Variants in GALNT13 observed in about 807,000 individuals in gnomAD.
The protein encoded by GALNT13 is polypeptide N-acetylgalactosaminyltransferase 13, also known as UDP-GalNAc:polypeptide N-acetylgalactosaminyltransferase 13.
GALNT13 carries 28 observed loss-of-function variants against 64.2 expected under a neutral mutation model. That is an observed-to-expected ratio of 0.44 (90% CI 0.32 to 0.60). The LOEUF is 0.60. GALNT13 is among the 20% of genes least tolerant of loss of function. The pLI, the probability that GALNT13 is intolerant of heterozygous loss-of-function variation, is 0.05. For synonymous variants in GALNT13, 214 were observed against 224.6 expected, an observed-to-expected ratio of 0.95 and a Z score of 0.42; for missense variants, 577 against 669.8, an observed-to-expected ratio of 0.86 and a Z score of 1.53.
intron 3 of GALNT13, among the ~76,000 whole-genome samples, chr2:154,046,945 T>G (rs1699322504): frequency 6.6e-6 from 1 of 152,074 alleles, no homozygotes. Context: ...GTGGGTTTTT[T>G]TTTTTATGTC....
intron 4 of GALNT13, among the ~76,000 whole-genome samples, chr2:154,212,611 CTT>C (rs1390100637): frequency 6.6e-6 from 1 of 151,812 alleles, no homozygotes; most frequent in Non-Finnish European, 1.5e-5. Context: ...TCTTCCTATT[CTT>C]TTTCTCCTTT....
the GALNT13 span, among the ~76,000 whole-genome samples, chr2:153,399,313 T>A: frequency 6.6e-6 from 1 of 152,218 alleles, no homozygotes; most frequent in Non-Finnish European, 1.5e-5. Flanking sequence ...ACCACGCTGT[T>A]TTGGTTACTG....
At chr2:153,905,060 AT>A (rs1688467673) in intron 2 of GALNT13, among the ~76,000 whole-genome samples, 1 of 151,976 alleles carries the variant, frequency 6.6e-6, no homozygotes. Flanking sequence ...CTTTTTAAAT[AT>A]TCTTAATATC....
the GALNT13 span, among the ~76,000 whole-genome samples, chr2:153,268,578 G>T: frequency 6.6e-6 from 1 of 152,162 alleles, no homozygotes; most frequent in African/African-American, 2.4e-5. Flanking sequence ...TCTTTTTACA[G>T]TTCCACTAGA....
At chr2:154,276,768 C>T (rs531187188) in intron 8 of GALNT13, among the ~76,000 whole-genome samples, 3 of 152,236 alleles carry the variant, frequency 2.0e-5, no homozygotes, top group Admixed American at 6.5e-5. Context: ...GCAATTTAAT[C>T]ATGGGGGTGG....
rs1401152638 is a variant in GALNT13 at position 154,411,526 on chromosome 2, G to A, written c.1395+2444G>A. Among the ~76,000 whole-genome samples the A allele has an allele frequency of 2.0e-5, 3 of 151,520 alleles. No homozygotes were observed. In the East Asian group the frequency reaches 5.8e-4, roughly 29 times the overall value. Reference sequence around the variant, plus strand: ...CATGTGTGTCACTAGAACTTCAAAAGAGAAAAACAATCCAGACAACTTATT... The same window carrying A: ...CATGTGTGTCACTAGAACTTCAAAAAAGAAAAACAATCCAGACAACTTATT... On this transcript the variant is annotated intron_variant, in intron 11 of 12. Transcript: ENST00000392825.
chr2:154,153,204 C>G (rs1028921839), intron 4 of GALNT13, among the ~76,000 whole-genome samples: 12 of 152,120 alleles, frequency 7.9e-5, no homozygotes, highest in Admixed American at 2.6e-4. Flanking sequence ...CACTCCAGAC[C>G]CTCTTTGCCT....
chr2:154,064,820 G>A (rs1467480824), intron 3 of GALNT13, among the ~76,000 whole-genome samples: 1 of 152,076 alleles, frequency 6.6e-6, no homozygotes, highest in Non-Finnish European at 1.5e-5. Context: ...GTGACTATGA[G>A]GAAAGATTCC....
chr2:153,351,718 C>T, the GALNT13 span, among the ~76,000 whole-genome samples: 1 of 152,154 alleles, frequency 6.6e-6, no homozygotes. Flanking sequence ...CAGTATGTAG[C>T]GTTTTTCACA....
At chr2:153,749,047 G>A in the GALNT13 span, among the ~76,000 whole-genome samples, 1 of 151,908 alleles carries the variant, frequency 6.6e-6, no homozygotes, top group African/African-American at 2.4e-5. Flanking sequence ...TTCTACATAT[G>A]AATATCCAGT....
the GALNT13 span, chr2:153,356,735 T>C: frequency 6.6e-6 from 1 of 151,728 alleles, no homozygotes; most frequent in Non-Finnish European, 1.5e-5. Context: ...TCGAATTGTA[T>C]ACATAGAGGA....
At chr2:153,242,445 C>T in the GALNT13 span, among the ~76,000 whole-genome samples, 1 of 152,208 alleles carries the variant, frequency 6.6e-6, no homozygotes, top group African/African-American at 2.4e-5. Context: ...CTCTTTGAGA[C>T]ACCATATGCA....
intron 4 of GALNT13, among the ~76,000 whole-genome samples, chr2:154,235,057 T>C (rs1689121258): frequency 6.6e-6 from 1 of 152,132 alleles, no homozygotes. Flanking sequence ...ATCTCCCACC[T>C]GAGATTCCTA....
the GALNT13 span, among the ~76,000 whole-genome samples, chr2:153,567,770 G>A: frequency 6.0e-5 from 9 of 150,370 alleles, no homozygotes; most frequent in Non-Finnish European, 1.0e-4. Context: ...ATGAAAACAG[G>A]TTATGTACAA....
At chr2:153,352,981 T>C in the GALNT13 span, among the ~76,000 whole-genome samples, 2 of 152,232 alleles carry the variant, frequency 1.3e-5, no homozygotes, top group East Asian at 1.9e-4. Flanking sequence ...TTTGTTGATA[T>C]CCACAAAATA....
At chr2:154,199,464 C>A (rs1687056283) in intron 4 of GALNT13, among the ~76,000 whole-genome samples, 1 of 151,968 alleles carries the variant, frequency 6.6e-6, no homozygotes, top group Non-Finnish European at 1.5e-5. Flanking sequence ...TGGGTACACT[C>A]AACCTTAGGA....
chr2:153,640,839 G>GTA, the GALNT13 span, among the ~76,000 whole-genome samples: 1 of 152,128 alleles, frequency 6.6e-6, no homozygotes, highest in Admixed American at 6.6e-5. Flanking sequence ...TTGGGAAATA[G>GTA]TAGAGAAGAA....
At chr2:153,542,752 A>G in the GALNT13 span, among the ~76,000 whole-genome samples, 1 of 152,182 alleles carries the variant, frequency 6.6e-6, no homozygotes, top group Admixed American at 6.5e-5. Flanking sequence ...GGCCTAGGAG[A>G]AGTTTCAGGA....
chr2:153,946,453 A>T (rs1004711268), intron 3 of GALNT13, among the ~76,000 whole-genome samples: 1 of 152,070 alleles, frequency 6.6e-6, no homozygotes, highest in Non-Finnish European at 1.5e-5. Flanking sequence ...TCAGGTTGTT[A>T]AAAAAATATA....
Sources: gnomAD v4.1 joint callset for allele counts (sites outside exome capture counted in the v4.1 genomes callset) on GRCh38, gnomAD v4.1.1 for gene constraint, MANE v1.5 for transcripts, NCBI Gene and HGNC (gene_info 2026-07-23, HGNC 2026-07-21) for gene names.